The following GRM4 variants were observed in gnomAD, a reference collection of about 807,000 sequenced individuals.
The protein encoded by GRM4 is metabotropic glutamate receptor 4.
A neutral mutation model predicts 81.7 loss-of-function variants in GRM4; 28 were observed. That is an observed-to-expected ratio of 0.34 (90% CI 0.25 to 0.47). The LOEUF (loss-of-function observed/expected upper bound fraction) is 0.47, where lower values mean the gene tolerates loss of function less well. Among genes scored for constraint, GRM4 ranks in the 20% least tolerant of loss-of-function variants. GRM4 has a pLI of 1.00. For missense variants in GRM4, 948 were observed against 1,290.0 expected (o/e 0.73, Z 4.06); for synonymous variants, 488 against 528.8 (o/e 0.92, Z 1.06).
chr6:34,022,484 C>T lies in GRM4; in HGVS notation c.*337G>A. The T allele has an allele frequency of 8.8e-6, 3 of 342,120 alleles. No individual in the cohort carries two copies. In the South Asian group the frequency reaches 1.4e-4, roughly 16 times the overall value. The allele number at this position is 342,120 out of a possible 1,614,324, so 21.2% of individuals were successfully genotyped here. On this transcript the variant is annotated 3_prime_UTR_variant, in exon 11 of 11. Coordinates refer to ENST00000538487, the MANE Select transcript of GRM4 (RefSeq NM_000841.4). This position sits in a 1 kb window ranked among gnomAD's most constrained non-coding sequence, Gnocchi z 5.6. ...GGGCTGGAGACAGACAGAGGGGTCG[C>T]CAACAGCACAGACAGAGACGAAGGG... is the stretch of plus-strand genomic sequence containing the variant.
intron 2 of GRM4, chr6:34,099,964 G>T: frequency 1.4e-6 from 1 of 725,032 alleles, no homozygotes; most frequent in Non-Finnish European, 1.7e-6. Context: ...GACCCTCCGG[G>T]AATTCGAATC....
At position 34,035,104 on chromosome 6, in the gene GRM4, G is replaced by T. The variant is rs1174845412; in HGVS notation, c.2442+564C>A. On this transcript the variant is annotated intron_variant, in intron 9 of 10. Coordinates refer to ENST00000538487, the MANE Select transcript of GRM4 (RefSeq NM_000841.4). This position sits in a 1 kb window ranked among gnomAD's most constrained non-coding sequence, Gnocchi z 6.6. ...GATCTTGTGAGGGGTAGATGGAGGA[G>T]GGAGAAGAGAGGAGTGAACCAAAAG... Among the ~76,000 whole-genome samples the T allele has an allele frequency of 2.6e-5, 4 of 152,120 alleles. No individual in the cohort carries two copies. Among genetic ancestry groups the T allele is most frequent in the Non-Finnish European group, 2.9e-5 (2 of 68,032 alleles).
chr6:34,124,096 G>A (rs1472962655), intron 2 of GRM4, among the ~76,000 whole-genome samples: 1 of 152,314 alleles, frequency 6.6e-6, no homozygotes, highest in Non-Finnish European at 1.5e-5. Flanking sequence ...GGTCCCAAGA[G>A]ACCTGGTGAC....
intron 3 of GRM4, among the ~76,000 whole-genome samples, chr6:34,067,653 CAGTTCCTGG>C (rs1766556258): frequency 6.6e-6 from 1 of 151,622 alleles, no homozygotes; most frequent in Admixed American, 6.6e-5. Flanking sequence ...CTGCCCTGCT[CAGTTCCTGG>C]TATAGTCAGT....
chr6:34,064,008 G>C lies in GRM4; in HGVS notation c.737-1980C>G, dbSNP rs1581638491. Among the ~76,000 whole-genome samples the C allele has an allele frequency of 6.6e-6, 1 of 152,202 alleles. No individual in the cohort carries two copies. The highest frequency in any genetic ancestry group is 2.4e-5 in the African/African-American group (1 of 41,440). The stretch of plus-strand genomic sequence containing the variant: ...TATTTCTGAGATGCTCCTCTAAGAG[G>C]ATCCGCGTGATGGTCTTGCCTGGCA... On this transcript the variant is annotated intron_variant, in intron 3 of 10. Coordinates refer to ENST00000538487, the MANE Select transcript of GRM4 (RefSeq NM_000841.4). This position sits in a 1 kb window ranked among gnomAD's most constrained non-coding sequence, Gnocchi z 4.4.
rs1020554154 is a variant in GRM4 at position 34,111,550 on chromosome 6, G to T, written c.520-19451C>A. Among the ~76,000 whole-genome samples, 2 of 152,206 alleles carry T rather than the reference G, an allele frequency of 1.3e-5. No individual in the cohort carries two copies. The highest frequency in any genetic ancestry group is 4.8e-5 in the African/African-American group (2 of 41,454). On this transcript the variant is annotated intron_variant, in intron 2 of 10. Transcript: ENST00000538487. This position sits in a 1 kb window ranked among gnomAD's most constrained non-coding sequence, Gnocchi z 5.1. ...CATCAAGCAGCTGGAACTCTTAACTGCCCATGGTAGGCAAGAGAGTGCTGT... is the reference window on the plus strand; with the variant it reads ...CATCAAGCAGCTGGAACTCTTAACTTCCCATGGTAGGCAAGAGAGTGCTGT...
rs560119809 is a variant in GRM4, at chr6:34,022,532, C to T, written c.*289G>A. Reference sequence around the variant, plus strand: ...GGGAGGGAGAGATCTAGCACTGGGGCCCACACGACCTGAGCCCCTGTGGTT... The same window carrying T: ...GGGAGGGAGAGATCTAGCACTGGGGTCCACACGACCTGAGCCCCTGTGGTT... On this transcript the variant is annotated 3_prime_UTR_variant, in exon 11 of 11. Coordinates refer to ENST00000538487, the MANE Select transcript of GRM4 (RefSeq NM_000841.4). The surrounding 1 kb of genome is among the most constrained non-coding windows in gnomAD (Gnocchi z 5.6). The T allele has an allele frequency of 1.3e-4, 65 of 497,130 alleles. No homozygotes were observed. In the East Asian group the frequency reaches 1.9e-3, roughly 14 times the overall value. 30.8% of individuals were successfully genotyped at this position (497,130 alleles called of 1,614,324 possible).
chr6:34,154,932 G>C (rs1443492174), intron 1 of GRM4: 1 of 595,730 alleles, frequency 1.7e-6, no homozygotes, highest in East Asian at 3.4e-5. Flanking sequence ...ACCGCCGCCC[G>C]GTGGCCGAAC....
At chr6:34,093,513 G>A (rs184863149) in intron 2 of GRM4, among the ~76,000 whole-genome samples, 12 of 152,324 alleles carry the variant, frequency 7.9e-5, no homozygotes, top group Admixed American at 3.3e-4. Flanking sequence ...ACAAGTGACC[G>A]GGACCATTCT....
At chr6:34,148,761 A>G (rs1410130365), upstream of GRM4, among the ~76,000 whole-genome samples, 1 of 152,190 alleles carries the variant, frequency 6.6e-6, no homozygotes, top group African/African-American at 2.4e-5. Flanking sequence ...TGGTTTTCCC[A>G]TCAGTGAGAC....
Position 34,034,638 on chromosome 6 carries a change from A to G in GRM4, c.2442+1030T>C, listed in dbSNP as rs1764598552. ...TGGCTTCCTCAGCTCCACACTCCTTACAGTGTATTAACTGTTTGTGCACCC... is the reference window on the plus strand; with the variant it reads ...TGGCTTCCTCAGCTCCACACTCCTTGCAGTGTATTAACTGTTTGTGCACCC... On this transcript the variant is annotated intron_variant, in intron 9 of 10. Transcript: ENST00000538487. The surrounding 1 kb of genome is among the most constrained non-coding windows in gnomAD (Gnocchi z 4.0). Among the ~76,000 whole-genome samples, 1 of 152,100 alleles carries G rather than the reference A, an allele frequency of 6.6e-6. No individual in the cohort carries two copies. The highest frequency in any genetic ancestry group is 2.4e-5 in the African/African-American group (1 of 41,400).
At chr6:34,139,889 C>A (rs1465304541) in intron 1 of GRM4, among the ~76,000 whole-genome samples, 1 of 152,222 alleles carries the variant, frequency 6.6e-6, no homozygotes, top group East Asian at 1.9e-4. Flanking sequence ...GTGCTCTGAG[C>A]ACCCACTGTG....
rs765220563 is a variant in GRM4 at position 34,089,796 on chromosome 6, G to GCCCAGAC, written c.736+2080_736+2086dup. 3.9e-5 allele frequency among the ~76,000 whole-genome samples: 6 copies of GCCCAGAC among 151,948 alleles called. No individual in the cohort carries two copies. Among genetic ancestry groups the GCCCAGAC allele is most frequent in the Admixed American group, 1.3e-4 (2 of 15,278 alleles). On this transcript the variant is annotated intron_variant, in intron 3 of 10. Coordinates refer to ENST00000538487, the MANE Select transcript of GRM4 (RefSeq NM_000841.4). This position sits in a 1 kb window ranked among gnomAD's most constrained non-coding sequence, Gnocchi z 4.3. ...GGCTTACCTTCAGCCAAAACACAAT[G>GCCCAGAC]CCCAGACCCCACCCCCATCCCATGC...
intron 3 of GRM4, among the ~76,000 whole-genome samples, chr6:34,088,059 C>T (rs563778186): frequency 6.6e-6 from 1 of 152,246 alleles, no homozygotes; most frequent in African/African-American, 2.4e-5. Context: ...ACCCAGGCAG[C>T]CAGACCCTGA....
In GRM4 at chr6:34,121,990, C is replaced by T. The variant is rs1281636200; in HGVS notation, c.519+10988G>A. On this transcript the variant is annotated intron_variant, in intron 2 of 10. Coordinates refer to ENST00000538487, the MANE Select transcript of GRM4 (RefSeq NM_000841.4). This position sits in a 1 kb window ranked among gnomAD's most constrained non-coding sequence, Gnocchi z 4.6. ...GGGGTCTGGGTGGGGCGGGTGCCCA[C>T]CAGGAAGTGCTCAGTACTGAGATGC... Among the ~76,000 whole-genome samples the T allele has an allele frequency of 6.6e-6, 1 of 151,950 alleles. No individual in the cohort carries two copies. The highest frequency in any genetic ancestry group is 1.5e-5 in the Non-Finnish European group (1 of 67,982).
chr6:34,113,990 T>A (rs1769487777), intron 2 of GRM4, among the ~76,000 whole-genome samples: 2 of 152,132 alleles, frequency 1.3e-5, no homozygotes. Flanking sequence ...TCAGGGTCTT[T>A]GCACTGGCTG....
At chr6:34,098,347 G>A (rs537132751) in intron 2 of GRM4, among the ~76,000 whole-genome samples, 31 of 152,240 alleles carry the variant, frequency 2.0e-4, no homozygotes, top group South Asian at 4.2e-4. Flanking sequence ...GAGCTGCTCC[G>A]GCCCATGTTC....
intron 3 of GRM4, 50 bp downstream of exon 3, chr6:34,091,833 C>T (rs374592729): frequency 1.7e-5 from 24 of 1,382,360 alleles, no homozygotes; most frequent in African/African-American, 5.7e-5. Flanking sequence ...GTCACTGTGC[C>T]GGGACACCCC....
chr6:34,040,519 G>A (rs1488174001), intron 7 of GRM4, 29 bp downstream of exon 7: 1 of 1,592,286 alleles, frequency 6.3e-7, no homozygotes, highest in Non-Finnish European at 8.6e-7. Context: ...GATACCCAGG[G>A]TCAGGCACAG....
Sources: gnomAD v4.1 joint callset for allele counts (sites outside exome capture counted in the v4.1 genomes callset) on GRCh38, gnomAD v4.1.1 for gene constraint, Gnocchi (gnomAD v3.1) non-coding constraint, MANE v1.5 for transcripts, NCBI Gene and HGNC (gene_info 2026-07-23, HGNC 2026-07-21) for gene names.